Variants in OR8B3 observed in about 807,000 individuals in gnomAD.
The protein encoded by OR8B3 is olfactory receptor 8B3.
For missense variants in OR8B3, 278 were observed against 377.6 expected (o/e 0.74, Z 2.19); for synonymous variants, 102 against 135.4 (o/e 0.75, Z 1.71).
intron 1 of OR8B3, among the ~76,000 whole-genome samples, chr11:124,398,086 C>T (rs1360421529): frequency 2.0e-5 from 3 of 152,126 alleles, no homozygotes; most frequent in Non-Finnish European, 4.4e-5. Context: ...TCCTTTAGGG[C>T]AGAGACCATA....
upstream of OR8B3, among the ~76,000 whole-genome samples, chr11:124,402,103 T>C (rs1861003130): frequency 6.6e-6 from 1 of 152,252 alleles, no homozygotes; most frequent in Non-Finnish European, 1.5e-5. Context: ...TTTTAGGCTC[T>C]GTAGCCTCTG....
chr11:124,403,393 G>A (rs11219638), upstream of OR8B3, among the ~76,000 whole-genome samples: 3,707 of 130,212 alleles, frequency 0.028, 86 homozygotes, highest in South Asian at 0.15. Flanking sequence ...CTCACTTCTC[G>A]GACGGGGCGG....
the OR8B3 span, chr11:124,404,140 G>A: frequency 6.6e-6 from 1 of 152,316 alleles, no homozygotes; most frequent in African/African-American, 2.4e-5. Context: ...GAGAGGGAGA[G>A]GGAGAGGGAG....
At chr11:124,404,002 A>G (rs1444572873), upstream of OR8B3, among the ~76,000 whole-genome samples, 3 of 152,086 alleles carry the variant, frequency 2.0e-5, no homozygotes, top group Non-Finnish European at 4.4e-5. Context: ...AATCCCAGGC[A>G]CTCGGCAGGC....
At chr11:124,403,378 G>A (rs1371132868), upstream of OR8B3, among the ~76,000 whole-genome samples, 3 of 151,230 alleles carry the variant, frequency 2.0e-5, no homozygotes, top group African/African-American at 7.3e-5. Flanking sequence ...CGGGCGGAGG[G>A]GCTCCTCACT....
chr11:124,409,353 T>G, the OR8B3 span, among the ~76,000 whole-genome samples: 3 of 152,220 alleles, frequency 2.0e-5, no homozygotes, highest in African/African-American at 7.2e-5. Context: ...TGCCACTAGT[T>G]TTTGCAACTT....
rs1332722048 is a variant in OR8B3, at chr11:124,396,767, G to C, written c.585C>G (p.Asn195Lys). The C allele has an allele frequency of 1.7e-5, 28 of 1,613,690 alleles. No individual in the cohort carries two copies. Among genetic ancestry groups the C allele is most frequent in the Non-Finnish European group, 2.4e-5 (28 of 1,179,746 alleles). ...CCACAACAATGAGAACAACCACCTCGTTGACATAGGTGCTGGTGCAGGAAA... is the reference window on the plus strand; with the variant it reads ...CCACAACAATGAGAACAACCACCTCCTTGACATAGGTGCTGGTGCAGGAAA... ...LQLSCTSTYV[N>K]EVVVLIVVGI... Residue 195 changes from asparagine to lysine, a missense_variant, in exon 2 of 2, where the codon AAC (asparagine) becomes AAG (lysine). Physicochemically the swap from Asn to Lys is moderately conservative, Grantham distance 94. Coordinates refer to ENST00000641139, the MANE Select transcript of OR8B3 (RefSeq NM_001005467.2).
chr11:124,409,392 T>C, the OR8B3 span, among the ~76,000 whole-genome samples: 4 of 152,214 alleles, frequency 2.6e-5, no homozygotes, highest in Non-Finnish European at 5.9e-5. Flanking sequence ...TAAGCCTTGG[T>C]TGATACCTGT....
At position 124,397,067 on chromosome 11, in the gene OR8B3, A is replaced by G. The variant is rs1372733419; in HGVS notation, c.285T>C (p.Val95=). ...FVSKKNIISY[V]GCMTQLFFFL... ...AGAAAAACAGCTGAGTCATGCACCCAACATAGGAGATAATATTCTTTTTTG... is the reference window on the plus strand; with the variant it reads ...AGAAAAACAGCTGAGTCATGCACCCGACATAGGAGATAATATTCTTTTTTG... Residue 95 remains valine, a synonymous_variant, in exon 2 of 2, where the codon GTT becomes GTC. Coordinates refer to ENST00000641139, the MANE Select transcript of OR8B3 (RefSeq NM_001005467.2). The G allele has an allele frequency of 6.2e-7, 1 of 1,613,976 alleles. No homozygotes were observed. Among genetic ancestry groups the G allele is most frequent in the Admixed American group, 1.7e-5 (1 of 59,988 alleles).
chr11:124,402,126 G>A (rs919840587), upstream of OR8B3, among the ~76,000 whole-genome samples: 1 of 152,138 alleles, frequency 6.6e-6, no homozygotes, highest in African/African-American at 2.4e-5. Flanking sequence ...CCTTTTGCAT[G>A]TATTCTTATA....
chr11:124,409,169 A>G, the OR8B3 span, among the ~76,000 whole-genome samples: 1 of 152,252 alleles, frequency 6.6e-6, no homozygotes, highest in Non-Finnish European at 1.5e-5. Context: ...TTAAATCTGA[A>G]TTACCGAAAG....
the OR8B3 span, among the ~76,000 whole-genome samples, chr11:124,408,676 G>T: frequency 6.6e-6 from 1 of 152,142 alleles, no homozygotes; most frequent in African/African-American, 2.4e-5. Context: ...GTCCCTAGGA[G>T]GCAGGACTCG....
chr11:124,399,504 G>T (rs1445096755), upstream of OR8B3, among the ~76,000 whole-genome samples: 1 of 152,020 alleles, frequency 6.6e-6, no homozygotes, highest in Admixed American at 6.5e-5. Flanking sequence ...AATCAAATCC[G>T]TAAGAAAAAT....
At chr11:124,409,580 T>C in the OR8B3 span, among the ~76,000 whole-genome samples, 1 of 152,256 alleles carries the variant, frequency 6.6e-6, no homozygotes, top group Non-Finnish European at 1.5e-5. Context: ...ATCTTCATAC[T>C]TAAATCCTCT....
Position 124,396,610 on chromosome 11 carries a change from GA to G in OR8B3, c.741del (p.Leu248CysfsTer44), listed in dbSNP as rs1451208975. ...AFSTCSSHVIALSLFFGSAAF... is the reference protein window; with the variant it reads ...AFSTCSSHVIXLSLFFGSAAF... ...GCCGCTGACCCAAAAAACAGAGACA[GA>G]GCAATGACATGAGAGCTACAAGTAC... is the stretch of plus-strand genomic sequence containing the variant. On this transcript the variant is annotated frameshift_variant, in exon 2 of 2. Transcript: ENST00000641139. LOFTEE classifies it low-confidence loss of function (END_TRUNC). The G allele has an allele frequency of 6.2e-7, 1 of 1,612,326 alleles. No individual in the cohort carries two copies. The highest frequency in any genetic ancestry group is 8.5e-7 in the Non-Finnish European group (1 of 1,179,264).
chr11:124,399,593 G>A (rs1480233128), upstream of OR8B3, among the ~76,000 whole-genome samples: 3 of 152,068 alleles, frequency 2.0e-5, no homozygotes, highest in African/African-American at 4.8e-5. Flanking sequence ...TTGTGAGAAG[G>A]CATCTATTTT....
chr11:124,407,085 T>A, the OR8B3 span, among the ~76,000 whole-genome samples: 3 of 152,170 alleles, frequency 2.0e-5, no homozygotes, highest in African/African-American at 7.2e-5. Flanking sequence ...CTTTTCTCAC[T>A]ATATACAGTT....
At chr11:124,401,399 C>T (rs565808751), upstream of OR8B3, among the ~76,000 whole-genome samples, 1 of 152,222 alleles carries the variant, frequency 6.6e-6, no homozygotes, top group South Asian at 2.1e-4. Flanking sequence ...TTTCAAGATG[C>T]ATTTGGGAGG....
chr11:124,401,976 G>C (rs1218762548), upstream of OR8B3, among the ~76,000 whole-genome samples: 4 of 152,202 alleles, frequency 2.6e-5, no homozygotes, highest in Non-Finnish European at 1.5e-5. Context: ...GTGGTGAAGT[G>C]CCTCTTTGGT....
Sources: gnomAD v4.1 joint callset for allele counts (sites outside exome capture counted in the v4.1 genomes callset) on GRCh38, gnomAD v4.1.1 for gene constraint, MANE v1.5 for transcripts, NCBI Gene and HGNC (gene_info 2026-07-23, HGNC 2026-07-21) for gene names.